Variants in ACBD3 observed in about 807,000 individuals in gnomAD.
ACBD3 encodes acyl-CoA binding domain containing 3.
In ACBD3, 30 loss-of-function variants were observed where a neutral mutation model predicts 66.9. The ratio of observed to expected loss-of-function variants is 0.45; its 90% CI spans 0.34 to 0.61. ACBD3 has a LOEUF of 0.61. Among genes scored for constraint, ACBD3 ranks in the 20% least tolerant of loss-of-function variants. The pLI, the probability that ACBD3 is intolerant of heterozygous loss-of-function variation, is 0.02. For synonymous variants in ACBD3, 278 were observed against 259.8 expected (o/e 1.07, Z -0.68); for missense variants, 544 against 664.5 (o/e 0.82, Z 1.99).
chr1:226,169,239 T>G (rs9659351), intron 1 of ACBD3, among the ~76,000 whole-genome samples: 4,108 of 150,556 alleles, frequency 0.027, 75 homozygotes, highest in Non-Finnish European at 0.043. Flanking sequence ...ATTTAGAGAG[T>G]TTTTTTTTAT....
At chr1:226,185,228 T>G (rs1055152918) in intron 1 of ACBD3, among the ~76,000 whole-genome samples, 1 of 152,232 alleles carries the variant, frequency 6.6e-6, no homozygotes, top group Non-Finnish European at 1.5e-5. Flanking sequence ...CAACTCATTG[T>G]GCAATGACCA....
At chr1:226,162,103 T>G (rs947447454) in intron 3 of ACBD3, among the ~76,000 whole-genome samples, 22 of 152,206 alleles carry the variant, frequency 1.4e-4, no homozygotes, top group African/African-American at 5.3e-4. Context: ...GGGAAGAGAC[T>G]GCCTATCTCA....
chr1:226,161,584 C>T lies in ACBD3; in HGVS notation c.675G>A (p.Glu225=), dbSNP rs371678655. The change falls in exon 4 of 8, where the codon GAG becomes GAA. Residue 225 remains glutamate (E), a synonymous_variant. Coordinates refer to ENST00000366812, the MANE Select transcript of ACBD3 (RefSeq NM_022735.4). The stretch of plus-strand genomic sequence containing the variant: ...CTTCTATCCGTCTCCTTTCCTCTTC[C>T]TCCCGTCGAAGCCTTTCCTCTTCTT... ...RREEEERLRR[E]EEERRRIEEE... 20 of 1,614,098 alleles carry T rather than the reference C, an allele frequency of 1.2e-5. No homozygotes were observed. The African/African-American group carries it at 2.5e-4, about 20-fold the overall frequency.
intron 6 of ACBD3, among the ~76,000 whole-genome samples, chr1:226,153,943 C>T (rs1659623315): frequency 6.6e-6 from 1 of 152,126 alleles, no homozygotes; most frequent in Admixed American, 6.5e-5. Context: ...TAGGGGAAGC[C>T]AGTAACTGTT....
At chr1:226,185,786 T>C (rs74396237) in intron 1 of ACBD3, among the ~76,000 whole-genome samples, 4,726 of 152,216 alleles carry the variant, frequency 0.031, 285 homozygotes, top group African/African-American at 0.11. Context: ...TACTAGAACA[T>C]AGTGGACATC....
intron 1 of ACBD3, among the ~76,000 whole-genome samples, chr1:226,166,293 T>C (rs1659877253): frequency 6.6e-6 from 1 of 150,854 alleles, no homozygotes; most frequent in Non-Finnish European, 1.5e-5. Flanking sequence ...GTAGCTGGAC[T>C]ACACGTGCGT....
intron 1 of ACBD3, among the ~76,000 whole-genome samples, chr1:226,179,311 A>C (rs1214431241): frequency 6.6e-6 from 1 of 152,136 alleles, no homozygotes; most frequent in Non-Finnish European, 1.5e-5. Context: ...CACTAGGTAC[A>C]AGTTGCTCTC....
chr1:226,174,948 A>G (rs1213440218), intron 1 of ACBD3, among the ~76,000 whole-genome samples: 2 of 151,520 alleles, frequency 1.3e-5, no homozygotes, highest in Non-Finnish European at 2.9e-5. Context: ...AAAAAAAAAT[A>G]GCCCGGCATG....
chr1:226,179,450 C>G (rs1213567729), intron 1 of ACBD3, among the ~76,000 whole-genome samples: 1 of 152,212 alleles, frequency 6.6e-6, no homozygotes, highest in Non-Finnish European at 1.5e-5. Flanking sequence ...TTCCCTCATC[C>G]TAGTTACCAT....
In ACBD3 at chr1:226,161,547, G is replaced by A. The variant is rs1278923333; in HGVS notation, c.712C>T (p.Arg238Trp). ...ERRRIEEERL[R>W]LEQQKQQIMA... Reference sequence around the variant, plus strand: ...TAAACTTACTTTTGCTGCTCCAACCGAAGCCTTTCTTCTTCTATCCGTCTC... The same window carrying A: ...TAAACTTACTTTTGCTGCTCCAACCAAAGCCTTTCTTCTTCTATCCGTCTC... Residue 238 changes from arginine (R) to tryptophan (W), a missense_variant, in exon 4 of 8, where the codon CGG (arginine) becomes TGG (tryptophan). Physicochemically the swap from Arg to Trp is moderately radical, Grantham distance 101 (BLOSUM62 -3). This residue lies in a region of ACBD3 where 383 missense variants were observed against 462.4 expected (regional missense o/e 0.83). Coordinates refer to ENST00000366812, the MANE Select transcript of ACBD3 (RefSeq NM_022735.4). 8.1e-6 allele frequency: 13 copies of A among 1,613,172 alleles called. No individual in the cohort carries two copies. The highest frequency in any genetic ancestry group is 4.0e-5 in the African/African-American group (3 of 74,710).
At chr1:226,184,367 A>T (rs1203110935) in intron 1 of ACBD3, among the ~76,000 whole-genome samples, 1 of 152,182 alleles carries the variant, frequency 6.6e-6, no homozygotes, top group Non-Finnish European at 1.5e-5. Flanking sequence ...TCTCCTTTTT[A>T]GTACCTGGAT....
intron 3 of ACBD3, among the ~76,000 whole-genome samples, chr1:226,164,424 T>C (rs1006609574): frequency 1.3e-5 from 2 of 152,038 alleles, no homozygotes; most frequent in Non-Finnish European, 1.5e-5. Context: ...AGCATGAGGA[T>C]TCTAGAAGCT....
At chr1:226,165,046 G>A (rs1659846778) in intron 2 of ACBD3, 117 bp from the exon 3 acceptor site, 3 of 1,122,728 alleles carry the variant, frequency 2.7e-6, no homozygotes, top group Non-Finnish European at 3.6e-6. Flanking sequence ...TCTATTGGGA[G>A]CAAAAGGCTC....
chr1:226,185,699 A>T (rs1313819091), intron 1 of ACBD3, among the ~76,000 whole-genome samples: 1 of 152,180 alleles, frequency 6.6e-6, no homozygotes, highest in Admixed American at 6.5e-5. Context: ...AAAAGCACAG[A>T]AGGTACTGTT....
intron 7 of ACBD3, 84 bp downstream of exon 7, chr1:226,152,251 A>G: frequency 6.5e-7 from 1 of 1,530,128 alleles, no homozygotes; most frequent in Middle Eastern, 2.4e-4. Flanking sequence ...GTCAGGAAGC[A>G]TAAGGCTGGG....
intron 1 of ACBD3, among the ~76,000 whole-genome samples, chr1:226,177,747 A>ATT (rs556844917): frequency 7.2e-5 from 10 of 139,628 alleles, no homozygotes; most frequent in South Asian, 2.3e-4. Flanking sequence ...TTGAGCCACT[A>ATT]TTTTTTTTTT....
intron 3 of ACBD3, among the ~76,000 whole-genome samples, chr1:226,163,281 A>G (rs1457551004): frequency 1.3e-5 from 2 of 152,212 alleles, no homozygotes; most frequent in South Asian, 2.1e-4. Context: ...ACGCAGCTCT[A>G]TATGTTGAGT....
chr1:226,146,756 G>A lies in ACBD3; in HGVS notation c.1441C>T (p.Pro481Ser). 1 of 1,614,088 alleles carries A rather than the reference G, an allele frequency of 6.2e-7. No homozygotes were observed. The highest frequency in any genetic ancestry group is 8.5e-7 in the Non-Finnish European group (1 of 1,180,006). The change falls in exon 8 of 8, where the codon CCT becomes TCT. Residue 481 changes from proline to serine, a missense_variant. Coordinates refer to ENST00000366812, the MANE Select transcript of ACBD3 (RefSeq NM_022735.4). ...TCATGACAGTCCCGTCGGTACACAGGCACAATCTCATCCAGCAAAGGCTTG... is the reference window on the plus strand; with the variant it reads ...TCATGACAGTCCCGTCGGTACACAGACACAATCTCATCCAGCAAAGGCTTG... ...ANKPLLDEIVPVYRRDCHEEV... is the reference protein window; with the variant it reads ...ANKPLLDEIVSVYRRDCHEEV...
At chr1:226,169,806 G>GA (rs1659955530) in intron 1 of ACBD3, among the ~76,000 whole-genome samples, 1 of 151,566 alleles carries the variant, frequency 6.6e-6, no homozygotes, top group East Asian at 2.0e-4. Flanking sequence ...TGGATCACCT[G>GA]AGGTCAAGAG....
Sources: allele counts gnomAD v4.1 joint callset (sites outside exome capture counted in the v4.1 genomes callset), GRCh38; gene constraint gnomAD v4.1.1; regional missense constraint gnomAD v4.1.1; transcripts MANE v1.5; gene names NCBI Gene and HGNC (gene_info 2026-07-23, HGNC 2026-07-21).